The following AHNAK variants were observed in gnomAD, a reference collection of about 807,000 sequenced individuals.
AHNAK encodes neuroblast differentiation-associated protein AHNAK.
A neutral mutation model predicts 37.8 loss-of-function variants in AHNAK; 23 were observed. The observed-to-expected ratio is 0.61, with a 90% confidence interval of 0.44 to 0.86. AHNAK has a LOEUF of 0.86. Among genes scored for constraint, AHNAK ranks in the 40% least tolerant of loss-of-function variants. AHNAK has a pLI of 0.00. For synonymous variants in AHNAK, 2,481 were observed against 2,636.3 expected, an observed-to-expected ratio of 0.94 and a Z score of 1.80; for missense variants, 7,411 against 7,319.4, an observed-to-expected ratio of 1.01 and a Z score of -0.46.
At chr11:62,464,870 G>A (rs1054050796) in intron 5 of AHNAK, among the ~76,000 whole-genome samples, 2 of 152,002 alleles carry the variant, frequency 1.3e-5, no homozygotes, top group African/African-American at 4.8e-5. Context: ...TGATCTGGCA[G>A]CGTCAGGTTG....
At position 62,522,581 on chromosome 11, in the gene AHNAK, T is replaced by C. The variant is rs374502021; in HGVS notation, c.11836A>G (p.Lys3946Glu). The C allele has an allele frequency of 3.0e-4, 476 of 1,612,022 alleles. No homozygotes were observed. The highest frequency in any genetic ancestry group is 3.7e-4 in the Non-Finnish European group (439 of 1,179,618). Residue 3946 changes from lysine (K) to glutamate (E), a missense_variant, in exon 5 of 5, where the codon AAA becomes GAA. Physicochemically the swap from Lys to Glu is moderately conservative, Grantham distance 56. Coordinates refer to ENST00000378024, the MANE Select transcript of AHNAK (RefSeq NM_001620.3). ...KMPKISMPGFKGEGPEVDVNL... is the reference protein window; with the variant it reads ...KMPKISMPGFEGEGPEVDVNL... ...ACATCCACTTCTGGACCTTCTCCTTTGAAGCCAGGCATGCTGATCTTGGGC... is the reference window on the plus strand; with the variant it reads ...ACATCCACTTCTGGACCTTCTCCTTCGAAGCCAGGCATGCTGATCTTGGGC...
At chr11:62,460,377 T>A (rs1938757127) in intron 5 of AHNAK, among the ~76,000 whole-genome samples, 1 of 152,014 alleles carries the variant, frequency 6.6e-6, no homozygotes, top group African/African-American at 2.4e-5. Flanking sequence ...GAAGGGAGGA[T>A]GAGAGCACCA....
chr11:62,535,944 C>T lies in AHNAK; in HGVS notation c.154+1G>A. ...CCAGTCCACACCCTGGGGTGACTCA[C>T]CCTCCTTGACCACCCCAGTGCGGGC... On this transcript the variant is annotated splice_donor_variant, in intron 3 of 4. Coordinates refer to ENST00000378024, the MANE Select transcript of AHNAK (RefSeq NM_001620.3). LOFTEE classifies it high-confidence loss of function. 1.2e-6 allele frequency: 2 copies of T among 1,609,332 alleles called. No individual in the cohort carries two copies. Among genetic ancestry groups the T allele is most frequent in the Non-Finnish European group, 1.7e-6 (2 of 1,178,724 alleles).
intron 4 of AHNAK, among the ~76,000 whole-genome samples, chr11:62,509,731 A>G (rs1939875659): frequency 6.6e-6 from 1 of 152,040 alleles, no homozygotes; most frequent in South Asian, 2.1e-4. Flanking sequence ...AGCCTGGCCA[A>G]CATGGCGAAA....
At chr11:62,460,721 G>A (rs1938764370) in intron 5 of AHNAK, among the ~76,000 whole-genome samples, 1 of 152,166 alleles carries the variant, frequency 6.6e-6, no homozygotes, top group Non-Finnish European at 1.5e-5. Flanking sequence ...TGAGATCCAG[G>A]AAAAAGAACA....
rs75556689 is a variant in AHNAK, at chr11:62,491,419, T to C, written c.442+313A>G. On this transcript the variant is annotated intron_variant, in intron 5 of 5. Coordinates refer to the AHNAK transcript ENST00000257247. ...GCCCCACCCTGGCTTCTGGGTTTAA[T>C]AGGTACTGTCTTAAAAGAATGTGGA... Among the ~76,000 whole-genome samples the C allele has an allele frequency of 1.4e-3, 220 of 152,338 alleles. 4 individuals are homozygous for C. Among genetic ancestry groups the C allele is most frequent in the Non-Finnish European group, 2.2e-3 (148 of 68,030 alleles).
chr11:62,469,079 C>T (rs926508589), intron 5 of AHNAK, among the ~76,000 whole-genome samples: 4 of 152,136 alleles, frequency 2.6e-5, no homozygotes, highest in African/African-American at 7.2e-5. Context: ...TGCCTCCTAG[C>T]TTGGTGTGAG....
chr11:62,503,310 T>C (rs1939747301), intron 4 of AHNAK, among the ~76,000 whole-genome samples: 1 of 152,184 alleles, frequency 6.6e-6, no homozygotes. Flanking sequence ...GAAAGTGGGC[T>C]GGGCACGGTG....
chr11:62,500,927 A>C (rs925285572), intron 4 of AHNAK, among the ~76,000 whole-genome samples: 1 of 152,218 alleles, frequency 6.6e-6, no homozygotes, highest in Non-Finnish European at 1.5e-5. Context: ...ACATTAAAAC[A>C]TACAATTCTG....
At chr11:62,508,258 G>GA (rs999550661) in intron 4 of AHNAK, among the ~76,000 whole-genome samples, 8 of 150,908 alleles carry the variant, frequency 5.3e-5, no homozygotes, top group African/African-American at 7.3e-5. Context: ...TCACAGGGAA[G>GA]AAAAAAAAAA....
At chr11:62,495,865 A>G (rs923758455) in intron 4 of AHNAK, among the ~76,000 whole-genome samples, 1 of 152,096 alleles carries the variant, frequency 6.6e-6, no homozygotes, top group Non-Finnish European at 1.5e-5. Flanking sequence ...CCTGGCCAAC[A>G]TGATGAAACC....
At position 62,535,041 on chromosome 11, in the gene AHNAK, G is replaced by T; in HGVS notation, c.304C>A (p.Arg102Ser). 6.2e-7 allele frequency: 1 copy of T among 1,613,166 alleles called. No individual in the cohort carries two copies. The highest frequency in any genetic ancestry group is 8.5e-7 in the Non-Finnish European group (1 of 1,179,284). ...RSPEPGQTWT[R>S]EVFSSCSSEV... ...GAGCTGCAGGAGCTGAAGACTTCAC[G>T]GGTCCAGGTCTGGCCAGGCTCGGGA... Residue 102 changes from arginine to serine, a missense_variant, in exon 4 of 5, where the codon CGT becomes AGT. By Grantham distance (110) the Arg-to-Ser change is moderately radical (BLOSUM62 -1). Coordinates refer to ENST00000378024, the MANE Select transcript of AHNAK (RefSeq NM_001620.3).
chr11:62,526,419 G>C lies in AHNAK; in HGVS notation c.7998C>G (p.Asp2666Glu). Residue 2666 changes from aspartate (D) to glutamate (E), a missense_variant, in exon 5 of 5, where the codon GAC becomes GAG. Asp to Glu is a conservative substitution (Grantham distance 45). Coordinates refer to ENST00000378024, the MANE Select transcript of AHNAK (RefSeq NM_001620.3). The stretch of plus-strand genomic sequence containing the variant: ...CCACTTTGGGTCCTGAGACATCAAT[G>C]TCAGCCTTGGGCAGCTTCACATCCC... Reference protein sequence around the residue: ...PDGDVKLPKADIDVSGPKVDI... With the variant: ...PDGDVKLPKAEIDVSGPKVDI... The C allele has an allele frequency of 6.2e-7, 1 of 1,610,768 alleles. No homozygotes were observed. Among genetic ancestry groups the C allele is most frequent in the African/African-American group, 1.4e-5 (1 of 73,650 alleles).
rs115943361 is a variant in AHNAK at position 62,531,373 on chromosome 11, C to T, written c.3044G>A (p.Gly1015Glu). 2.5e-6 allele frequency: 4 copies of T among 1,613,878 alleles called. No homozygotes were observed. Among genetic ancestry groups the T allele is most frequent in the Middle Eastern group, 1.6e-4 (1 of 6,062 alleles). The change falls in exon 5 of 5, where the codon GGG (glycine) becomes GAG (glutamate). Residue 1015 changes from glycine (G) to glutamate (E), a missense_variant. Physicochemically the swap from Gly to Glu is moderately conservative, Grantham distance 98 (BLOSUM62 -2). Transcript: ENST00000378024. ...GGACAGGTTCACATCAAATTCTGGCCCCTCTCCTTTGAGGCTGGGCATGCT... is the reference window on the plus strand; with the variant it reads ...GGACAGGTTCACATCAAATTCTGGCTCCTCTCCTTTGAGGCTGGGCATGCT... ...KFSMPSLKGE[G>E]PEFDVNLSKA...
chr11:62,534,770 T>C (rs1940887044), intron 4 of AHNAK, among the ~76,000 whole-genome samples: 1 of 152,132 alleles, frequency 6.6e-6, no homozygotes, highest in African/African-American at 2.4e-5. Context: ...GTTCCCATAC[T>C]GTGGCCGCTC....
rs764789867 is a variant in AHNAK at position 62,517,417 on chromosome 11, G to T, written c.17000C>A (p.Thr5667Asn). 2.2e-5 allele frequency: 35 copies of T among 1,614,042 alleles called. No homozygotes were observed. The highest frequency in any genetic ancestry group is 2.9e-5 in the Non-Finnish European group (34 of 1,180,028). Reference sequence around the variant, plus strand: ...GCCAACCAGCTCACGGCCAGAGAAGGTAAATTTGGGGATCTTCATTTTAGG... The same window carrying T: ...GCCAACCAGCTCACGGCCAGAGAAGTTAAATTTGGGGATCTTCATTTTAGG... ...TFPKMKIPKF[T>N]FSGRELVGRE... Residue 5667 changes from threonine to asparagine, a missense_variant, in exon 5 of 5, where the codon ACC becomes AAC. Thr to Asn is a moderately conservative substitution (Grantham distance 65). Coordinates refer to ENST00000378024, the MANE Select transcript of AHNAK (RefSeq NM_001620.3).
intron 5 of AHNAK, among the ~76,000 whole-genome samples, chr11:62,453,198 A>C (rs1399905005): frequency 6.6e-6 from 1 of 152,020 alleles, no homozygotes; most frequent in Admixed American, 6.6e-5. Context: ...CGTCGGAAGG[A>C]ATGTGTCTGC....
intron 1 of AHNAK, among the ~76,000 whole-genome samples, chr11:62,542,782 C>G (rs1356437599): frequency 1.3e-5 from 2 of 152,212 alleles, no homozygotes; most frequent in Non-Finnish European, 2.9e-5. Context: ...CCCAGAACCA[C>G]TGGGATTAAG....
rs1334525229 is a variant in AHNAK at position 62,527,100 on chromosome 11, A to G, written c.7317T>C (p.Pro2439=). 6.2e-7 allele frequency: 1 copy of G among 1,614,012 alleles called. No individual in the cohort carries two copies. The highest frequency in any genetic ancestry group is 1.3e-5 in the African/African-American group (1 of 74,886). Residue 2439 remains proline, a synonymous_variant, in exon 5 of 5, where the codon CCT becomes CCC. Transcript: ENST00000378024. ...AATGCATATCAGGCATCTTGAACTTAGGGCCTTTCAATTTGCCCTCTGGTC... is the reference window on the plus strand; with the variant it reads ...AATGCATATCAGGCATCTTGAACTTGGGGCCTTTCAATTTGCCCTCTGGTC... ...IEGPEGKLKG[P]KFKMPDMHFK...
Sources: gnomAD v4.1 joint callset for allele counts (sites outside exome capture counted in the v4.1 genomes callset) on GRCh38, gnomAD v4.1.1 for gene constraint, MANE v1.5 for transcripts, NCBI Gene and HGNC (gene_info 2026-07-23, HGNC 2026-07-21) for gene names.